Variants in RUNX3 observed in about 807,000 individuals in gnomAD.
RUNX3 encodes the protein RUNX family transcription factor 3, also known as runt-related transcription factor 3.
In RUNX3, 10 loss-of-function variants were observed where a neutral mutation model predicts 27.7. That is an observed-to-expected ratio of 0.36 (90% CI 0.22 to 0.61). RUNX3 has a LOEUF of 0.61. Among genes scored for constraint, RUNX3 ranks in the 20% least tolerant of loss-of-function variants. RUNX3 has a pLI of 0.72. For synonymous variants in RUNX3, 270 were observed against 269.2 expected, an observed-to-expected ratio of 1.00 and a Z score of -0.03; for missense variants, 469 against 629.5, an observed-to-expected ratio of 0.75 and a Z score of 2.73.
intron 2 of RUNX3, among the ~76,000 whole-genome samples, chr1:24,955,830 G>T (rs1231734099): frequency 3.9e-5 from 6 of 152,252 alleles, no homozygotes; most frequent in Admixed American, 3.9e-4. Context: ...CAGGGAGAAG[G>T]CATCTTTGTC....
At chr1:24,921,086 G>A (rs999483437) in intron 2 of RUNX3, among the ~76,000 whole-genome samples, 1 of 152,214 alleles carries the variant, frequency 6.6e-6, no homozygotes, top group East Asian at 1.9e-4. Context: ...GGCTGGCACA[G>A]GATGGTCAAG....
At chr1:24,929,514 G>A in intron 1 of RUNX3, 73 bp downstream of exon 1, 3 of 1,433,644 alleles carry the variant, frequency 2.1e-6, no homozygotes, top group Non-Finnish European at 2.9e-6. Flanking sequence ...CTGCTCCCGA[G>A]GCTCTGGCTC....
chr1:24,947,051 A>T (rs1376701819), intron 2 of RUNX3, among the ~76,000 whole-genome samples: 1 of 151,734 alleles, frequency 6.6e-6, no homozygotes, highest in African/African-American at 2.4e-5. Context: ...GTAATAATTA[A>T]CCCACGGAGC....
intron 1 of RUNX3, 35 bp downstream of exon 1, chr1:24,929,552 G>A (rs1401921837): frequency 1.3e-6 from 2 of 1,534,926 alleles, no homozygotes; most frequent in South Asian, 1.2e-5. Flanking sequence ...GGAGCCCCAG[G>A]GCCGGCGCCC....
At chr1:24,957,813 AAC>A (rs1244187228) in intron 2 of RUNX3, among the ~76,000 whole-genome samples, 1 of 152,238 alleles carries the variant, frequency 6.6e-6, no homozygotes, top group Non-Finnish European at 1.5e-5. Flanking sequence ...AAGAAAATGA[AAC>A]ACAGAGAGGT....
In RUNX3 at chr1:24,927,215, C is replaced by T. The variant is rs1403292727; in HGVS notation, c.439+359G>A. ...ACAGATCAGGGACTTGTCCTGCAACCGCCTTGCTGAAAGACCTATAAGCTC... is the reference window on the plus strand; with the variant it reads ...ACAGATCAGGGACTTGTCCTGCAACTGCCTTGCTGAAAGACCTATAAGCTC... On this transcript the variant is annotated intron_variant, in intron 2 of 4. Coordinates refer to ENST00000308873, the MANE Select transcript of RUNX3 (RefSeq NM_004350.3). The surrounding 1 kb of genome is among the most constrained non-coding windows in gnomAD (Gnocchi z 5.0). 2.6e-5 allele frequency among the ~76,000 whole-genome samples: 4 copies of T among 152,092 alleles called. No homozygotes were observed. The highest frequency in any genetic ancestry group is 5.9e-5 in the Non-Finnish European group (4 of 68,014).
At chr1:24,903,259 G>T (rs1640601910) in intron 4 of RUNX3, among the ~76,000 whole-genome samples, 1 of 152,234 alleles carries the variant, frequency 6.6e-6, no homozygotes. Context: ...TCCTGCCCAG[G>T]TGCAGCACGC....
chr1:24,942,753 G>A (rs1641508710), intron 2 of RUNX3, among the ~76,000 whole-genome samples: 1 of 152,220 alleles, frequency 6.6e-6, no homozygotes, highest in Non-Finnish European at 1.5e-5. Context: ...AGCCTAAGTA[G>A]CCTGACCTGC....
At chr1:24,950,308 A>T (rs1221074330) in intron 2 of RUNX3, among the ~76,000 whole-genome samples, 1 of 152,100 alleles carries the variant, frequency 6.6e-6, no homozygotes, top group African/African-American at 2.4e-5. Flanking sequence ...GCCACCCCAA[A>T]ACTTGGTGTG....
At chr1:24,944,136 G>T (rs1392004763) in intron 2 of RUNX3, among the ~76,000 whole-genome samples, 1 of 152,142 alleles carries the variant, frequency 6.6e-6, no homozygotes, top group Non-Finnish European at 1.5e-5. Context: ...TACTTCAGGG[G>T]CAGGGCTTGG....
chr1:24,944,889 A>T (rs190986637), intron 2 of RUNX3, among the ~76,000 whole-genome samples: 155 of 152,342 alleles, frequency 1.0e-3, no homozygotes, highest in African/African-American at 3.5e-3. Context: ...TGATCCCTGG[A>T]ACTGTAAGAT....
chr1:24,933,016 A>T (rs1641266804), upstream of RUNX3, among the ~76,000 whole-genome samples: 1 of 152,188 alleles, frequency 6.6e-6, no homozygotes, highest in Non-Finnish European at 1.5e-5. Context: ...CAGGAAGGGG[A>T]TTCGTCTCCC....
At chr1:24,933,528 T>C (rs1283555505), upstream of RUNX3, among the ~76,000 whole-genome samples, 1 of 152,052 alleles carries the variant, frequency 6.6e-6, no homozygotes, top group Non-Finnish European at 1.5e-5. Flanking sequence ...TTACTAGGAC[T>C]CCAAGCCAGT....
At chr1:24,924,975 T>C (rs967512263) in intron 2 of RUNX3, among the ~76,000 whole-genome samples, 2 of 152,144 alleles carry the variant, frequency 1.3e-5, no homozygotes, top group East Asian at 1.9e-4. Context: ...GTGTCTTTCA[T>C]GGAAAGCCAT....
rs369001294 is a variant in RUNX3, at chr1:24,939,807, G to A, written c.59-9955C>T. On this transcript the variant is annotated intron_variant, in intron 2 of 6. Coordinates refer to the RUNX3 transcript ENST00000338888. Reference sequence around the variant, plus strand: ...TCCAGAGAAAGGCAGTGGGAGGGGAGAAGTGGGAGGGTTGCAGCTAGGGTG... The same window carrying A: ...TCCAGAGAAAGGCAGTGGGAGGGGAAAAGTGGGAGGGTTGCAGCTAGGGTG... Among the ~76,000 whole-genome samples, 3 of 152,384 alleles carry A rather than the reference G, an allele frequency of 2.0e-5. No individual in the cohort carries two copies. In the East Asian group the frequency reaches 5.8e-4, roughly 29 times the overall value.
In RUNX3 at chr1:24,927,552, G is replaced by A. The variant is rs747071374; in HGVS notation, c.439+22C>T. The A allele has an allele frequency of 6.2e-7, 1 of 1,613,132 alleles. No homozygotes were observed. Among genetic ancestry groups the A allele is most frequent in the South Asian group, 1.1e-5 (1 of 91,066 alleles). On this transcript the variant is annotated intron_variant, in intron 2 of 4. Coordinates refer to ENST00000308873, the MANE Select transcript of RUNX3 (RefSeq NM_004350.3). The surrounding 1 kb of genome is among the most constrained non-coding windows in gnomAD (Gnocchi z 5.0). ...CCCTGCCATTGCCAATGCTGAAATG[G>A]CGAGGCCTCCCTTCCACTTACCTCG...
rs1281986487 is a variant in RUNX3, at chr1:24,904,734, TG to T, written c.704-2069del. ...TGCAGGGCGCTGGGCTGGGCCTCCC[TG>T]GACCTGCCACCATCCCCTCCAGCCT... On this transcript the variant is annotated intron_variant, in intron 4 of 4. Transcript: ENST00000308873. This position sits in a 1 kb window ranked among gnomAD's most constrained non-coding sequence, Gnocchi z 5.7. Among the ~76,000 whole-genome samples the T allele has an allele frequency of 6.6e-6, 1 of 151,928 alleles. No homozygotes were observed. Among genetic ancestry groups the T allele is most frequent in the African/African-American group, 2.4e-5 (1 of 41,368 alleles).
chr1:24,928,967 C>T (rs1266712658), intron 1 of RUNX3: 1 of 446,088 alleles, frequency 2.2e-6, no homozygotes, highest in Non-Finnish European at 4.5e-6. Context: ...TCGCCTACTC[C>T]CTGGCATAAA....
chr1:24,912,655 G>A (rs899541891), intron 3 of RUNX3, among the ~76,000 whole-genome samples: 7 of 151,796 alleles, frequency 4.6e-5, no homozygotes, highest in Non-Finnish European at 8.8e-5. Context: ...ATCTTGTTTC[G>A]CCTGGCAGCA....
Sources: gnomAD v4.1 joint callset for allele counts (sites outside exome capture counted in the v4.1 genomes callset) on GRCh38, gnomAD v4.1.1 for gene constraint, Gnocchi (gnomAD v3.1) non-coding constraint, MANE v1.5 for transcripts, NCBI Gene and HGNC (gene_info 2026-07-23, HGNC 2026-07-21) for gene names.